CARNMT1: variants seen among roughly 807,000 people sequenced by gnomAD.
CARNMT1 encodes carnosine N-methyltransferase 1.
In CARNMT1, 28 loss-of-function variants were observed where a neutral mutation model predicts 49.6. The ratio of observed to expected loss-of-function variants is 0.56; its 90% confidence interval spans 0.42 to 0.77. The LOEUF (loss-of-function observed/expected upper bound fraction) is 0.77, where lower values mean the gene tolerates loss of function less well. Ranked by LOEUF, CARNMT1 falls within the 30% of genes least tolerant of loss-of-function variation. The pLI, the probability that CARNMT1 is intolerant of heterozygous loss-of-function variation, is 0.00. For synonymous variants in CARNMT1, 178 were observed against 175.0 expected, an observed-to-expected ratio of 1.02 and a Z score of -0.13; for missense variants, 421 against 512.6, an observed-to-expected ratio of 0.82 and a Z score of 1.73.
chr9:74,989,804 A>C lies in CARNMT1; in HGVS notation c.1025-4794T>G, dbSNP rs542801441. ...ACACTCAAAGTCAACAGCACAGAGA[A>C]ACAAGGAATCATGAACAAGAACCAA... On this transcript the variant is annotated intron_variant, in intron 6 of 7. Transcript: ENST00000376834. 3.3e-5 allele frequency among the ~76,000 whole-genome samples: 5 copies of C among 152,358 alleles called. No homozygotes were observed. The South Asian group carries it at 1.0e-3, about 32-fold the overall frequency.
chr9:74,982,022 A>G lies in CARNMT1; in HGVS notation c.*1745T>C, dbSNP rs1183636605. The G allele has an allele frequency of 7.9e-6, 1 of 126,082 alleles. No homozygotes were observed. Among genetic ancestry groups the G allele is most frequent in the Non-Finnish European group, 1.8e-5 (1 of 55,470 alleles). 7.8% of individuals were successfully genotyped at this position (126,082 alleles called of 1,614,324 possible). ...GAGGGACACAAAAAAGAGAAATCTT[A>G]AAAAAAAAAAAAAAAGGTTACAGTC... On this transcript the variant is annotated 3_prime_UTR_variant, in exon 8 of 8. Transcript: ENST00000376834.
Position 74,982,430 on chromosome 9 carries a change from A to T in CARNMT1, c.*1337T>A, listed in dbSNP as rs1182935047. 6.6e-6 allele frequency: 1 copy of T among 152,208 alleles called. No individual in the cohort carries two copies. Among genetic ancestry groups the T allele is most frequent in the Non-Finnish European group, 1.5e-5 (1 of 68,038 alleles). 9.4% of individuals were successfully genotyped at this position (152,208 alleles called of 1,614,324 possible). A position where few individuals can be genotyped will look rare whatever the true frequency, so the allele number is the denominator to read the frequency against. On this transcript the variant is annotated 3_prime_UTR_variant, in exon 8 of 8. Transcript: ENST00000376834. ...TACTGGAAACAGAATATCATACATTAAAAAATACAAAGGAAAACTCCCTCC... is the reference window on the plus strand; with the variant it reads ...TACTGGAAACAGAATATCATACATTTAAAAATACAAAGGAAAACTCCCTCC...
At position 74,985,025 on chromosome 9, in the gene CARNMT1, T is replaced by C. The variant is rs774392125; in HGVS notation, c.1025-15A>G. On this transcript the variant is annotated splice_polypyrimidine_tract_variant and intron_variant, in intron 6 of 7. Coordinates refer to ENST00000376834, the MANE Select transcript of CARNMT1 (RefSeq NM_152420.3). ...CAGCAGAGGACCTATGGTTTAAAGATACTATGAATTACTTGAATATAAACA... is the reference window on the plus strand; with the variant it reads ...CAGCAGAGGACCTATGGTTTAAAGACACTATGAATTACTTGAATATAAACA... The C allele has an allele frequency of 5.2e-6, 8 of 1,541,628 alleles. No individual in the cohort carries two copies. The South Asian group carries it at 7.8e-5, about 15-fold the overall frequency.
chr9:74,994,926 G>A (rs1833141781), intron 6 of CARNMT1, among the ~76,000 whole-genome samples: 1 of 152,054 alleles, frequency 6.6e-6, no homozygotes, highest in Admixed American at 6.6e-5. Context: ...TGATGCCCAT[G>A]ACAGATCATA....
At chr9:75,001,114 C>G (rs1288808769) in intron 3 of CARNMT1, among the ~76,000 whole-genome samples, 2 of 152,080 alleles carry the variant, frequency 1.3e-5, no homozygotes, top group South Asian at 4.2e-4. Flanking sequence ...AGTGGCTGTT[C>G]TCAGTTTAGA....
chr9:75,016,227 A>G (rs1833844523), intron 3 of CARNMT1, 41 bp downstream of exon 3: 2 of 1,448,812 alleles, frequency 1.4e-6, no homozygotes, highest in East Asian at 4.5e-5. Flanking sequence ...TCAAGTGTTC[A>G]TACACTTTAA....
rs374568973 is a variant in CARNMT1, at chr9:74,996,527, A to G, written c.944T>C (p.Ile315Thr). ...TWDCIATCFF[I>T]DTAHNVIDYI... is the part of the protein sequence containing the mutation. Reference sequence around the variant, plus strand: ...ATCAATTACATTGTGAGCTGTGTCTATGAAGAAACAGGTAGCAATACAGTC... The same window carrying G: ...ATCAATTACATTGTGAGCTGTGTCTGTGAAGAAACAGGTAGCAATACAGTC... Residue 315 changes from isoleucine (I) to threonine (T), a missense_variant, in exon 6 of 8, where the codon ATA becomes ACA. Ile to Thr is a moderately conservative substitution (Grantham distance 89, BLOSUM62 -1). Transcript: ENST00000376834. 1 of 1,605,150 alleles carries G rather than the reference A, an allele frequency of 6.2e-7. No individual in the cohort carries two copies. Among genetic ancestry groups the G allele is most frequent in the African/African-American group, 1.3e-5 (1 of 74,782 alleles).
intron 6 of CARNMT1, among the ~76,000 whole-genome samples, chr9:74,995,436 G>A (rs1833158742): frequency 1.3e-5 from 2 of 152,018 alleles, no homozygotes; most frequent in African/African-American, 4.8e-5. Flanking sequence ...TTTTTCCTTG[G>A]GAAAAATTTC....
intron 4 of CARNMT1, 39 bp downstream of exon 4, chr9:74,999,691 T>C (rs371710249): frequency 6.4e-7 from 1 of 1,570,740 alleles, no homozygotes; most frequent in Non-Finnish European, 8.6e-7. Flanking sequence ...AATCTGATTC[T>C]GAGAAATTAC....
Position 75,017,279 on chromosome 9 carries a change from A to C in CARNMT1, c.400T>G (p.Phe134Val). 6.2e-7 allele frequency: 1 copy of C among 1,612,826 alleles called. No individual in the cohort carries two copies. Among genetic ancestry groups the C allele is most frequent in the Non-Finnish European group, 8.5e-7 (1 of 1,179,048 alleles). Residue 134 changes from phenylalanine to valine, a missense_variant, in exon 2 of 8, where the codon TTT becomes GTT. Transcript: ENST00000376834. ...LTIVNDCIHM[F>V]ENKEYGEDGN... ...TCTTCTCCATATTCTTTATTTTCAA[A>C]CATATGTATGCAATCATTCACAATG... is the stretch of plus-strand genomic sequence containing the variant.
rs1587320922 is a variant in CARNMT1 at position 75,028,232 on chromosome 9, G to C, written c.10C>G (p.Arg4Gly). 5 of 1,386,446 alleles carry C rather than the reference G, an allele frequency of 3.6e-6. No homozygotes were observed. In the East Asian group the frequency reaches 1.5e-4, roughly 43 times the overall value. 85.9% of individuals were successfully genotyped at this position (1,386,446 alleles called of 1,614,324 possible). The stretch of plus-strand genomic sequence containing the variant: ...GAGGTGGGCGGCGGAGGGCGACGCC[G>C]TCGCTGCATCGCCGCCGCGGCCCTC... MQR[R>G]RRPPPPTSRL... The change falls in exon 1 of 8, where the codon CGG becomes GGG. Residue 4 changes from arginine to glycine, a missense_variant. Physicochemically the swap from Arg to Gly is moderately radical, Grantham distance 125. Around this residue, in one of 2 missense-constraint regions of CARNMT1, gnomAD observed 186 missense variants for 167.9 expected, o/e 1.11. Coordinates refer to ENST00000376834, the MANE Select transcript of CARNMT1 (RefSeq NM_152420.3).
intron 3 of CARNMT1, among the ~76,000 whole-genome samples, chr9:75,014,768 G>A (rs557982392): frequency 6.6e-6 from 1 of 152,098 alleles, no homozygotes; most frequent in East Asian, 1.9e-4. Flanking sequence ...AATCACTTGA[G>A]CCCAGGAGGC....
upstream of CARNMT1, chr9:75,028,334 C>T (rs949037020): frequency 5.9e-5 from 78 of 1,312,214 alleles, no homozygotes; most frequent in Non-Finnish European, 7.2e-5. Flanking sequence ...CGGCGCCCGC[C>T]GCGGACATGC....
At chr9:75,026,147 G>GT (rs1017311037) in intron 1 of CARNMT1, among the ~76,000 whole-genome samples, 11 of 151,762 alleles carry the variant, frequency 7.2e-5, no homozygotes, top group East Asian at 3.8e-4. Flanking sequence ...AATAAAAACT[G>GT]TTTTTTTTAA....
chr9:75,005,399 ATG>A (rs1391388497), intron 3 of CARNMT1, among the ~76,000 whole-genome samples: 2 of 152,046 alleles, frequency 1.3e-5, no homozygotes, highest in African/African-American at 4.8e-5. Context: ...AAACTGATAT[ATG>A]TGTTTCCTTA....
intron 3 of CARNMT1, chr9:75,009,780 T>C (rs1833629457): frequency 6.6e-6 from 1 of 151,982 alleles, no homozygotes; most frequent in Non-Finnish European, 1.5e-5. Flanking sequence ...TTCCTTTACA[T>C]ACAATGCCTG....
intron 1 of CARNMT1, 71 bp downstream of exon 1, chr9:75,027,919 CGGCGGGACGGCGAGCGCCCCCG>C: frequency 7.4e-7 from 1 of 1,348,368 alleles, no homozygotes; most frequent in South Asian, 1.6e-5. Context: ...GGAGGCGTGG[CGGCGGGACGGCGAGCGCCCCCG>C]TTCCGGCGGG....
At chr9:75,001,173 G>A (rs1833342344) in intron 3 of CARNMT1, among the ~76,000 whole-genome samples, 1 of 151,942 alleles carries the variant, frequency 6.6e-6, no homozygotes, top group African/African-American at 2.4e-5. Flanking sequence ...AAAGCAAAAG[G>A]ATTTGGAAGT....
chr9:75,009,215 T>A (rs922573723), intron 3 of CARNMT1, among the ~76,000 whole-genome samples: 1 of 152,166 alleles, frequency 6.6e-6, no homozygotes, highest in Non-Finnish European at 1.5e-5. Flanking sequence ...AAAAACCTTA[T>A]TTTAAAAAGT....
Sources: gnomAD v4.1 joint callset for allele counts (sites outside exome capture counted in the v4.1 genomes callset) on GRCh38, gnomAD v4.1.1 for gene constraint, gnomAD v4.1.1 regional missense constraint, MANE v1.5 for transcripts, NCBI Gene and HGNC (gene_info 2026-07-23, HGNC 2026-07-21) for gene names.